Variants in GATB observed in about 807,000 individuals in gnomAD.
GATB encodes the protein glutamyl-tRNA amidotransferase subunit B.
GATB carries 39 observed loss-of-function variants against 62.3 expected under a neutral mutation model. The observed-to-expected ratio is 0.63, with a 90% CI of 0.48 to 0.82. GATB has a LOEUF of 0.82. Among genes scored for constraint, GATB ranks in the 40% least tolerant of loss-of-function variants. The pLI, the probability that GATB is intolerant of heterozygous loss-of-function variation, is 0.00. For synonymous variants in GATB, 276 were observed against 258.9 expected (o/e 1.07, Z -0.63); for missense variants, 670 against 684.0 (o/e 0.98, Z 0.23).
intron 5 of GATB, among the ~76,000 whole-genome samples, chr4:151,710,043 T>G (rs1344125131): frequency 6.6e-6 from 1 of 152,072 alleles, no homozygotes; most frequent in Admixed American, 6.5e-5. Flanking sequence ...CTCACTTGAG[T>G]GTTACCGCCT....
rs769436509 is a variant in GATB at position 151,671,180 on chromosome 4, T to C, written c.1668A>G (p.Ser556=). ...CAAGGGGATCCCAAACATCTCACAA[T>C]GACAGCTTCTTCTCCAGGATCTCCT... ...MIKEILEKKL[S]L Residue 556 remains serine (S), a synonymous_variant, in exon 13 of 13, where the codon TCA becomes TCG. Transcript: ENST00000263985. 6.2e-7 allele frequency: 1 copy of C among 1,614,188 alleles called. No individual in the cohort carries two copies. Among genetic ancestry groups the C allele is most frequent in the South Asian group, 1.1e-5 (1 of 91,074 alleles).
chr4:151,705,145 C>T (rs1414238213), intron 7 of GATB, 40 bp downstream of exon 7: 9 of 1,440,238 alleles, frequency 6.2e-6, no homozygotes, highest in African/African-American at 1.4e-5. Context: ...TCTCGCACCA[C>T]CCCCGGCTGT....
chr4:151,678,892 G>A (rs201119110), intron 11 of GATB, among the ~76,000 whole-genome samples: 6 of 145,218 alleles, frequency 4.1e-5, no homozygotes, highest in Non-Finnish European at 7.5e-5. Context: ...TGTTTTTTTT[G>A]TTTTTGTTTT....
intron 2 of GATB, among the ~76,000 whole-genome samples, chr4:151,749,642 T>C (rs1360451888): frequency 7.6e-6 from 1 of 131,298 alleles, no homozygotes; most frequent in Non-Finnish European, 1.6e-5. Flanking sequence ...TATAATTATA[T>C]ATATATAATA....
At chr4:151,747,853 C>T (rs1369589159) in intron 2 of GATB, among the ~76,000 whole-genome samples, 2 of 152,086 alleles carry the variant, frequency 1.3e-5, no homozygotes, top group African/African-American at 4.8e-5. Flanking sequence ...GTTCATCACC[C>T]ACAGACCTGG....
At chr4:151,693,860 T>A (rs1217126160) in intron 9 of GATB, among the ~76,000 whole-genome samples, 1 of 152,154 alleles carries the variant, frequency 6.6e-6, no homozygotes, top group Non-Finnish European at 1.5e-5. Context: ...TGACTTTACA[T>A]CCTCTGAGAT....
At chr4:151,715,924 A>G in intron 5 of GATB, 85 bp downstream of exon 5, 1 of 1,474,002 alleles carries the variant, frequency 6.8e-7, no homozygotes, top group Non-Finnish European at 9.1e-7. Flanking sequence ...TCAATATAAT[A>G]GACAGAAAAT....
intron 6 of GATB, among the ~76,000 whole-genome samples, chr4:151,707,253 G>C (rs181109599): frequency 6.6e-6 from 1 of 152,270 alleles, no homozygotes; most frequent in Admixed American, 6.5e-5. Flanking sequence ...TAAAGAGGTG[G>C]AGTCTAATTT....
At chr4:151,747,167 ATTG>A (rs1186182747) in intron 2 of GATB, among the ~76,000 whole-genome samples, 2 of 152,166 alleles carry the variant, frequency 1.3e-5, no homozygotes, top group East Asian at 3.8e-4. Flanking sequence ...TACCATTATT[ATTG>A]TTAACTGGGC....
chr4:151,736,250 A>G lies in GATB; in HGVS notation c.328-16712T>C, dbSNP rs531175942. On this transcript the variant is annotated intron_variant, in intron 2 of 12. Transcript: ENST00000263985. Reference sequence around the variant, plus strand: ...AAGAGAATTCCACAGTATCTATAGAAAAGTATATAAACCCTGCAAATAGAC... The same window carrying G: ...AAGAGAATTCCACAGTATCTATAGAGAAGTATATAAACCCTGCAAATAGAC... Among the ~76,000 whole-genome samples the G allele has an allele frequency of 3.3e-5, 5 of 152,316 alleles. No individual in the cohort carries two copies. In the South Asian group the frequency reaches 1.0e-3, roughly 32 times the overall value.
At position 151,705,239 on chromosome 4, in the gene GATB, A is replaced by G. The variant is rs764928453; in HGVS notation, c.908T>C (p.Leu303Pro). The part of the protein sequence containing the change: ...DYEIQRQINE[L>P]ENGGEILNET... Reference sequence around the variant, plus strand: ...GTTCAGAATTTCACCTCCATTCTCAAGTTCATTGATTTGCCTCTGAATTTC... The same window carrying G: ...GTTCAGAATTTCACCTCCATTCTCAGGTTCATTGATTTGCCTCTGAATTTC... The change falls in exon 7 of 13, where the codon CTT (leucine) becomes CCT (proline). Residue 303 changes from leucine (L) to proline (P), a missense_variant. By Grantham distance (98) the Leu-to-Pro change is moderately conservative (BLOSUM62 -3). Coordinates refer to ENST00000263985, the MANE Select transcript of GATB (RefSeq NM_004564.3). 4.3e-6 allele frequency: 7 copies of G among 1,613,042 alleles called. No individual in the cohort carries two copies. The highest frequency in any genetic ancestry group is 1.7e-6 in the Non-Finnish European group (2 of 1,179,070).
At chr4:151,750,568 A>G (rs1158337911) in intron 2 of GATB, among the ~76,000 whole-genome samples, 1 of 152,168 alleles carries the variant, frequency 6.6e-6, no homozygotes, top group Non-Finnish European at 1.5e-5. Flanking sequence ...AAGATAAGAG[A>G]ATAACAATAT....
intron 11 of GATB, chr4:151,673,671 C>T (rs972922140): frequency 1.3e-5 from 2 of 152,092 alleles, no homozygotes; most frequent in Non-Finnish European, 2.9e-5. Context: ...ATTCATCAAA[C>T]CTGAGAAAAA....
chr4:151,707,224 TC>T (rs1738731892), intron 6 of GATB, among the ~76,000 whole-genome samples: 1 of 152,244 alleles, frequency 6.6e-6, no homozygotes, highest in Admixed American at 6.5e-5. Flanking sequence ...ACAGCCATGA[TC>T]TTTTGTGGAT....
intron 2 of GATB, among the ~76,000 whole-genome samples, chr4:151,751,466 C>T (rs1327216671): frequency 6.6e-6 from 1 of 152,152 alleles, no homozygotes; most frequent in African/African-American, 2.4e-5. Context: ...AAAATAAAAC[C>T]CATCTACTGG....
At chr4:151,753,873 T>G (rs188912324) in intron 2 of GATB, among the ~76,000 whole-genome samples, 16 of 152,226 alleles carry the variant, frequency 1.1e-4, no homozygotes, top group Non-Finnish European at 1.5e-5. Flanking sequence ...TTGTCCTTCA[T>G]AGTAAAACTT....
intron 2 of GATB, among the ~76,000 whole-genome samples, chr4:151,743,112 T>C (rs987514996): frequency 3.9e-5 from 6 of 152,304 alleles, no homozygotes; most frequent in African/African-American, 1.4e-4. Flanking sequence ...TAGAAGTCAG[T>C]GTAGAGAAAA....
chr4:151,716,150 G>A lies in GATB; in HGVS notation c.641-19C>T, dbSNP rs1214660265. ...CCCACTCCTACCAAAGAGGGGCAGA[G>A]TCAGCCTCACTGCAGCTCTCCAATT... On this transcript the variant is annotated intron_variant, in intron 4 of 12. Coordinates refer to ENST00000263985, the MANE Select transcript of GATB (RefSeq NM_004564.3). 6.2e-7 allele frequency: 1 copy of A among 1,607,968 alleles called. No homozygotes were observed. The highest frequency in any genetic ancestry group is 1.3e-5 in the African/African-American group (1 of 74,782).
At chr4:151,678,716 C>T (rs902926648) in intron 11 of GATB, among the ~76,000 whole-genome samples, 2 of 152,200 alleles carry the variant, frequency 1.3e-5, no homozygotes, top group Admixed American at 1.3e-4. Context: ...AGCCACTTTC[C>T]CCAAGCCTCC....
Sources: gnomAD v4.1 joint callset for allele counts (sites outside exome capture counted in the v4.1 genomes callset) on GRCh38, gnomAD v4.1.1 for gene constraint, MANE v1.5 for transcripts, NCBI Gene and HGNC (gene_info 2026-07-23, HGNC 2026-07-21) for gene names.